Variants in MUC7 observed in about 807,000 individuals in gnomAD.
MUC7 encodes mucin-7.
Under a neutral mutation model 2.5 loss-of-function variants are expected in MUC7, and 2 were observed. The observed-to-expected ratio is 0.81, with a 90% confidence interval of 0.33 to 2.55. The LOEUF (loss-of-function observed/expected upper bound fraction) is 2.55, where lower values mean the gene tolerates loss of function less well. Among genes scored for constraint, MUC7 ranks in the 30% most tolerant of loss-of-function variants. The pLI, the probability that MUC7 is intolerant of heterozygous loss-of-function variation, is 0.11. For missense variants in MUC7, 408 were observed against 455.6 expected (o/e 0.90, Z 0.95); for synonymous variants, 133 against 173.4 (o/e 0.77, Z 1.83).
intron 2 of MUC7, among the ~76,000 whole-genome samples, chr4:70,479,892 A>T (rs1307215231): frequency 6.6e-6 from 1 of 152,220 alleles, no homozygotes; most frequent in East Asian, 1.9e-4. Context: ...TGAAAATCCC[A>T]AAAAACAAAC....
chr4:70,449,493 A>G (rs1734226196), intron 1 of MUC7, among the ~76,000 whole-genome samples: 1 of 152,162 alleles, frequency 6.6e-6, no homozygotes, highest in Non-Finnish European at 1.5e-5. Flanking sequence ...CTCCCACAAT[A>G]TATGGGAATT....
chr4:70,467,227 A>C (rs1279042231), upstream of MUC7, among the ~76,000 whole-genome samples: 1 of 152,252 alleles, frequency 6.6e-6, no homozygotes, highest in African/African-American at 2.4e-5. Flanking sequence ...CAAAGACACA[A>C]CATACCAGAA....
chr4:70,459,517 A>G (rs1734500250), intron 1 of MUC7, among the ~76,000 whole-genome samples: 2 of 152,206 alleles, frequency 1.3e-5, no homozygotes, highest in African/African-American at 2.4e-5. Flanking sequence ...CCAGCATGGC[A>G]CATGTATACA....
rs931315821 is a variant in MUC7 at position 70,482,032 on chromosome 4, A to C, written c.*154A>C. On this transcript the variant is annotated 3_prime_UTR_variant, in exon 3 of 3. Transcript: ENST00000304887. ...TCTTTCAATCTAATTATTCACCACC[A>C]CAAGACCTATTAACAAGACAAAATG... is the stretch of plus-strand genomic sequence containing the variant. The C allele has an allele frequency of 3.1e-5, 30 of 966,848 alleles. No homozygotes were observed. The highest frequency in any genetic ancestry group is 4.5e-5 in the Non-Finnish European group (30 of 672,202). 59.9% of individuals were successfully genotyped at this position (966,848 alleles called of 1,614,324 possible). A position where few individuals can be genotyped will look rare whatever the true frequency, so the allele number is the denominator to read the frequency against.
chr4:70,478,532 A>T (rs553552107), intron 2 of MUC7, among the ~76,000 whole-genome samples: 18 of 152,352 alleles, frequency 1.2e-4, no homozygotes, highest in African/African-American at 4.3e-4. Context: ...AAGTGACTTG[A>T]CCAAAGTCAC....
At chr4:70,436,423 T>C (rs1005798242) in intron 1 of MUC7, among the ~76,000 whole-genome samples, 1 of 152,196 alleles carries the variant, frequency 6.6e-6, no homozygotes, top group Non-Finnish European at 1.5e-5. Context: ...TTCTCTAGTC[T>C]TGTCTTCTCA....
chr4:70,444,554 A>C (rs1287701125), intron 1 of MUC7, among the ~76,000 whole-genome samples: 2 of 152,178 alleles, frequency 1.3e-5, no homozygotes, highest in Non-Finnish European at 2.9e-5. Flanking sequence ...CCCATCTAAT[A>C]CTGAAATGGT....
intron 1 of MUC7, among the ~76,000 whole-genome samples, chr4:70,448,634 A>G (rs1734199838): frequency 6.6e-6 from 1 of 152,092 alleles, no homozygotes; most frequent in Non-Finnish European, 1.5e-5. Flanking sequence ...ATTTTTTCCT[A>G]CAGAGTTGTT....
intron 1 of MUC7, among the ~76,000 whole-genome samples, chr4:70,463,743 A>T (rs1168781046): frequency 1.3e-5 from 2 of 152,296 alleles, no homozygotes; most frequent in Middle Eastern, 6.8e-3. Flanking sequence ...AGTGGCTTTA[A>T]CACCGTAAGA....
intron 1 of MUC7, among the ~76,000 whole-genome samples, chr4:70,466,791 TC>T (rs929098253): frequency 3.3e-5 from 5 of 152,082 alleles, no homozygotes; most frequent in Admixed American, 6.6e-5. Flanking sequence ...AGACTTAGAC[TC>T]CCACACAATA....
At chr4:70,476,031 T>A (rs1734990815) in intron 2 of MUC7, among the ~76,000 whole-genome samples, 1 of 152,216 alleles carries the variant, frequency 6.6e-6, no homozygotes, top group South Asian at 2.1e-4. Context: ...TCCAGATGAA[T>A]CTTGAGCAAT....
intron 2 of MUC7, 63 bp downstream of exon 2, chr4:70,474,138 C>T (rs1734924465): frequency 2.9e-6 from 4 of 1,388,910 alleles, no homozygotes; most frequent in Non-Finnish European, 4.1e-6. Context: ...AGTGTACCTA[C>T]CTGAGACTTT....
chr4:70,431,107 C>T (rs1414797061), intron 1 of MUC7, among the ~76,000 whole-genome samples: 1 of 151,904 alleles, frequency 6.6e-6, no homozygotes, highest in Non-Finnish European at 1.5e-5. Context: ...CTAAGAAAAA[C>T]TCCAAATAAG....
intron 1 of MUC7, among the ~76,000 whole-genome samples, chr4:70,460,188 G>C (rs981813889): frequency 2.0e-5 from 3 of 151,702 alleles, no homozygotes; most frequent in African/African-American, 7.3e-5. Context: ...TAGATGTAAG[G>C]GAAAAAAAAG....
upstream of MUC7, among the ~76,000 whole-genome samples, chr4:70,471,069 G>A (rs1262760256): frequency 6.6e-6 from 1 of 152,166 alleles, no homozygotes; most frequent in Non-Finnish European, 1.5e-5. Context: ...AGCCCTCAGA[G>A]ACTGTATGTG....
intron 1 of MUC7, among the ~76,000 whole-genome samples, chr4:70,438,118 C>T (rs764491859): frequency 3.3e-5 from 5 of 152,150 alleles, no homozygotes; most frequent in Non-Finnish European, 5.9e-5. Context: ...AGTAATGGCT[C>T]ATGTACTGGA....
chr4:70,476,374 G>A (rs1735002323), intron 2 of MUC7, among the ~76,000 whole-genome samples: 1 of 152,166 alleles, frequency 6.6e-6, no homozygotes, highest in Non-Finnish European at 1.5e-5. Context: ...TTCTTTTGAA[G>A]TGGCCTTTCA....
intron 1 of MUC7, among the ~76,000 whole-genome samples, chr4:70,434,028 T>C (rs1479636894): frequency 6.6e-6 from 1 of 152,116 alleles, no homozygotes; most frequent in Non-Finnish European, 1.5e-5. Context: ...GGATTACGTT[T>C]ATTGATTTAT....
intron 2 of MUC7, among the ~76,000 whole-genome samples, chr4:70,474,690 T>C (rs1734943772): frequency 6.6e-6 from 1 of 151,990 alleles, no homozygotes; most frequent in South Asian, 2.1e-4. Flanking sequence ...AAAACCCAGG[T>C]TTGTAAGGCC....
Sources: allele counts gnomAD v4.1 joint callset (sites outside exome capture counted in the v4.1 genomes callset), GRCh38; gene constraint gnomAD v4.1.1; transcripts MANE v1.5; gene names NCBI Gene and HGNC (gene_info 2026-07-23, HGNC 2026-07-21).